The following DDAH1 variants were observed in gnomAD, a reference collection of about 807,000 sequenced individuals.
DDAH1 encodes dimethylarginine dimethylaminohydrolase 1, also known as N(G),N(G)-dimethylarginine dimethylaminohydrolase 1.
In DDAH1, 19 loss-of-function variants were observed where a neutral mutation model predicts 28.8. That is an observed-to-expected ratio of 0.66 (90% CI 0.46 to 0.97). DDAH1 has a LOEUF of 0.97. Ranked by LOEUF, DDAH1 falls within the 50% of genes least tolerant of loss-of-function variation. The pLI is 0.00. For missense variants in DDAH1, 326 were observed against 375.9 expected, an observed-to-expected ratio of 0.87 and a Z score of 1.10; for synonymous variants, 153 against 154.4, an observed-to-expected ratio of 0.99 and a Z score of 0.07.
intron 1 of DDAH1, among the ~76,000 whole-genome samples, chr1:85,528,347 G>C (rs971910): frequency 0.67 from 102,066 of 151,848 alleles, 34,914 homozygotes; most frequent in Middle Eastern, 0.77. Context: ...CTCACCAATG[G>C]GTCATGACCC....
intron 1 of DDAH1, chr1:85,521,646 G>A (rs1297741022): frequency 9.1e-6 from 9 of 984,392 alleles, no homozygotes; most frequent in African/African-American, 1.8e-5. Context: ...TTCCCCCGTC[G>A]CTGAGTCACC....
chr1:85,516,477 T>C (rs1319369426), intron 1 of DDAH1, among the ~76,000 whole-genome samples: 2 of 151,542 alleles, frequency 1.3e-5, no homozygotes, highest in African/African-American at 2.4e-5. Context: ...CAAGATTTTC[T>C]AGGCTTTGGA....
Position 85,385,932 on chromosome 1 carries a change from G to T in DDAH1, c.304-27085C>A, listed in dbSNP as rs139996052. ...TCACATGGTGAGAGAGATGAAGGAG[G>T]AGAGAGAGGGAAGGAAGATGCCAGG... On this transcript the variant is annotated intron_variant, in intron 1 of 5. Coordinates refer to ENST00000284031, the MANE Select transcript of DDAH1 (RefSeq NM_012137.4). Among the ~76,000 whole-genome samples the T allele has an allele frequency of 4.8e-3, 736 of 152,062 alleles. 2 individuals carry two copies. The highest frequency in any genetic ancestry group is 0.017 in the African/African-American group (706 of 41,480).
At chr1:85,455,780 A>T (rs907853141) in intron 1 of DDAH1, among the ~76,000 whole-genome samples, 1 of 152,202 alleles carries the variant, frequency 6.6e-6, no homozygotes, top group Non-Finnish European at 1.5e-5. Flanking sequence ...TTTTATTTAA[A>T]GTCTTCTATA....
At chr1:85,485,141 G>A (rs1311734121) in intron 2 of DDAH1, among the ~76,000 whole-genome samples, 4 of 152,070 alleles carry the variant, frequency 2.6e-5, no homozygotes, top group African/African-American at 4.8e-5. Context: ...AATGCTGTGC[G>A]GGTGCCACAG....
Position 85,556,299 on chromosome 1 carries a change from C to G in DDAH1, c.-123+21685G>C, listed in dbSNP as rs150144477. Among the ~76,000 whole-genome samples, 568 of 152,324 alleles carry G rather than the reference C, an allele frequency of 3.7e-3. 5 individuals carry two copies. The highest frequency in any genetic ancestry group is 0.02 in the South Asian group (95 of 4,824). The stretch of plus-strand genomic sequence containing the variant: ...CCATGACCTTTCATGACATGCTTCT[C>G]TTCTCCTGGTGGTTATTTTGGGATC... On this transcript the variant is annotated intron_variant, in intron 1 of 6. Transcript: ENST00000426972.
chr1:85,431,449 A>G (rs758219082), intron 1 of DDAH1, among the ~76,000 whole-genome samples: 2 of 152,176 alleles, frequency 1.3e-5, no homozygotes, highest in Non-Finnish European at 2.9e-5. Flanking sequence ...AGAAAACAAA[A>G]GTTTCAGGGA....
intron 2 of DDAH1, among the ~76,000 whole-genome samples, chr1:85,492,279 A>G (rs1656433046): frequency 6.6e-6 from 1 of 152,224 alleles, no homozygotes; most frequent in South Asian, 2.1e-4. Context: ...TTCAGAAATC[A>G]TTCTCTAATT....
chr1:85,463,363 G>T (rs905162587), intron 1 of DDAH1, among the ~76,000 whole-genome samples: 2 of 152,222 alleles, frequency 1.3e-5, no homozygotes, highest in Admixed American at 6.5e-5. Flanking sequence ...TTTTGAAAGG[G>T]TTTTGAAATC....
intron 1 of DDAH1, among the ~76,000 whole-genome samples, chr1:85,364,426 T>G (rs746686965): frequency 6.6e-6 from 1 of 152,166 alleles, no homozygotes; most frequent in Non-Finnish European, 1.5e-5. Context: ...GAACAGAATA[T>G]ATAAACCACA....
chr1:85,323,432 G>C (rs879336636), intron 5 of DDAH1, among the ~76,000 whole-genome samples: 3 of 152,150 alleles, frequency 2.0e-5, no homozygotes, highest in Non-Finnish European at 4.4e-5. Flanking sequence ...GAGACTGGCA[G>C]AGTATGCTGA....
intron 1 of DDAH1, among the ~76,000 whole-genome samples, chr1:85,519,309 G>T (rs1425924473): frequency 6.6e-6 from 1 of 152,044 alleles, no homozygotes; most frequent in Non-Finnish European, 1.5e-5. Context: ...TGTTAGCCAG[G>T]ATGGTCTCGA....
intron 1 of DDAH1, among the ~76,000 whole-genome samples, chr1:85,568,866 T>C (rs1659377815): frequency 6.6e-6 from 1 of 152,158 alleles, no homozygotes; most frequent in South Asian, 2.1e-4. Flanking sequence ...TGGGGCAGTG[T>C]TCAGGCAGGG....
rs933399660 is a variant in DDAH1 at position 85,319,571 on chromosome 1, C to A, written c.*1881G>T. Reference sequence around the variant, plus strand: ...AAGGGCCAGATTTAACCCAAAAGGACAACCTTGAGAACATTTTTTCTTTGT... The same window carrying A: ...AAGGGCCAGATTTAACCCAAAAGGAAAACCTTGAGAACATTTTTTCTTTGT... On this transcript the variant is annotated 3_prime_UTR_variant, in exon 6 of 6. Transcript: ENST00000284031. 3 of 152,182 alleles carry A rather than the reference C, an allele frequency of 2.0e-5. No individual in the cohort carries two copies. The highest frequency in any genetic ancestry group is 7.2e-5 in the African/African-American group (3 of 41,442). 9.4% of individuals were successfully genotyped at this position (152,182 alleles called of 1,614,324 possible).
At chr1:85,552,206 C>G (rs1460378765) in intron 1 of DDAH1, among the ~76,000 whole-genome samples, 1 of 152,092 alleles carries the variant, frequency 6.6e-6, no homozygotes, top group Non-Finnish European at 1.5e-5. Context: ...AAAGAAAGCC[C>G]TCTCCTTTCC....
At chr1:85,512,807 C>T (rs757131724) in intron 1 of DDAH1, among the ~76,000 whole-genome samples, 1 of 152,064 alleles carries the variant, frequency 6.6e-6, no homozygotes, top group Non-Finnish European at 1.5e-5. Flanking sequence ...TGTGAAGGAC[C>T]TCTTCAAGGA....
intron 1 of DDAH1, chr1:85,404,471 C>T: frequency 6.6e-7 from 1 of 1,526,480 alleles, no homozygotes; most frequent in Non-Finnish European, 8.8e-7. Flanking sequence ...GTTTTAACAT[C>T]CACCTGTGTT....
intron 5 of DDAH1, 76 bp from the exon 6 acceptor site, chr1:85,321,644 A>G: frequency 8.9e-7 from 1 of 1,118,026 alleles, no homozygotes; most frequent in Non-Finnish European, 1.4e-6. Context: ...AATCAATTTG[A>G]TTTGTACATC....
upstream of DDAH1, chr1:85,467,626 A>G (rs370947673): frequency 4.6e-4 from 70 of 152,352 alleles, no homozygotes; most frequent in Middle Eastern, 3.4e-3. Context: ...GAATGTATAT[A>G]TTAGTAAAAA....
Sources: gnomAD v4.1 joint callset for allele counts (sites outside exome capture counted in the v4.1 genomes callset) on GRCh38, gnomAD v4.1.1 for gene constraint, MANE v1.5 for transcripts, NCBI Gene and HGNC (gene_info 2026-07-23, HGNC 2026-07-21) for gene names.